Variants in EBF1 observed in about 807,000 individuals in gnomAD.
EBF1 encodes the protein EBF transcription factor 1.
EBF1 carries 10 observed loss-of-function variants against 68.4 expected under a neutral mutation model. That is an observed-to-expected ratio of 0.15 (90% confidence interval 0.09 to 0.25). The LOEUF (loss-of-function observed/expected upper bound fraction) is 0.25. Ranked by LOEUF, EBF1 falls within the 10% of genes least tolerant of loss-of-function variation. The probability of loss-of-function intolerance (pLI) is 1.00; values close to 1 mark genes in which losing one functional copy is unlikely to be tolerated. For synonymous variants in EBF1, 298 were observed against 299.8 expected, an observed-to-expected ratio of 0.99 and a Z score of 0.06; for missense variants, 509 against 794.4, an observed-to-expected ratio of 0.64 and a Z score of 4.32.
At chr5:158,839,957 G>A in intron 7 of EBF1, 72 bp downstream of exon 7, 1 of 1,472,524 alleles carries the variant, frequency 6.8e-7, no homozygotes, top group Non-Finnish European at 9.5e-7. Flanking sequence ...CGTATCTTCT[G>A]CCTAAGACTT....
At chr5:159,097,263 G>A in intron 1 of EBF1, 133 bp from the exon 2 acceptor site, 3 of 1,012,310 alleles carry the variant, frequency 3.0e-6, no homozygotes, top group Non-Finnish European at 1.4e-6. Context: ...CGCTCTTCAC[G>A]CCCCTTCAGG....
At chr5:158,709,630 G>A (rs1225670079) in intron 14 of EBF1, among the ~76,000 whole-genome samples, 1 of 152,164 alleles carries the variant, frequency 6.6e-6, no homozygotes, top group African/African-American at 2.4e-5. Context: ...TCAGTCCAAG[G>A]CACTACCCAA....
intron 6 of EBF1, among the ~76,000 whole-genome samples, chr5:158,952,794 T>A (rs893449664): frequency 1.3e-5 from 2 of 152,200 alleles, no homozygotes; most frequent in Non-Finnish European, 2.9e-5. Flanking sequence ...TTAATTCAAT[T>A]CAGATTAGAT....
chr5:158,782,171 C>T (rs1561911458), intron 9 of EBF1, among the ~76,000 whole-genome samples: 1 of 152,192 alleles, frequency 6.6e-6, no homozygotes, highest in Non-Finnish European at 1.5e-5. Flanking sequence ...GTTCCCTCTT[C>T]CAGTAAGTTT....
intron 6 of EBF1, among the ~76,000 whole-genome samples, chr5:158,946,573 G>A (rs544333400): frequency 3.9e-5 from 6 of 152,234 alleles, no homozygotes; most frequent in Admixed American, 2.0e-4. Flanking sequence ...ATCCCAGAGG[G>A]GCACCCACCA....
intron 9 of EBF1, among the ~76,000 whole-genome samples, chr5:158,789,628 C>T (rs1444970891): frequency 6.6e-6 from 1 of 152,168 alleles, no homozygotes; most frequent in Non-Finnish European, 1.5e-5. Flanking sequence ...AGATAATATG[C>T]TCCCAGGACA....
At chr5:158,940,276 A>G (rs1365914986) in intron 6 of EBF1, among the ~76,000 whole-genome samples, 2 of 152,176 alleles carry the variant, frequency 1.3e-5, no homozygotes, top group African/African-American at 2.4e-5. Context: ...CTCAGTCCAC[A>G]CACCTGCTGA....
chr5:158,752,548 C>T lies in EBF1; in HGVS notation c.1037-21391G>A, dbSNP rs1581589985. On this transcript the variant is annotated intron_variant, in intron 10 of 15. Coordinates refer to ENST00000313708, the MANE Select transcript of EBF1 (RefSeq NM_024007.5). ...ATGTTAAAGTAACTGAAATCAAGAA[C>T]AATACTGGAAATAAGAACAGTCTAC... is the stretch of plus-strand genomic sequence containing the variant. 2.0e-5 allele frequency among the ~76,000 whole-genome samples: 3 copies of T among 151,914 alleles called. No individual in the cohort carries two copies. In the South Asian group the frequency reaches 6.2e-4, roughly 32 times the overall value.
intron 6 of EBF1, among the ~76,000 whole-genome samples, chr5:158,847,033 C>T (rs1424747001): frequency 2.0e-5 from 3 of 152,154 alleles, no homozygotes; most frequent in African/African-American, 4.8e-5. Context: ...AGGGGGAGAG[C>T]ATGTGGCTGC....
chr5:159,027,396 T>TTC (rs1385083192), intron 6 of EBF1, among the ~76,000 whole-genome samples: 1 of 152,204 alleles, frequency 6.6e-6, no homozygotes, highest in African/African-American at 2.4e-5. Context: ...CAGACCACTG[T>TTC]TCATCCCCAG....
At chr5:158,742,066 C>A (rs1766531957) in intron 10 of EBF1, among the ~76,000 whole-genome samples, 1 of 152,196 alleles carries the variant, frequency 6.6e-6, no homozygotes, top group African/African-American at 2.4e-5. Context: ...GCCTCGAGAG[C>A]CCTACTCTGA....
intron 8 of EBF1, among the ~76,000 whole-genome samples, chr5:158,805,979 G>A (rs1781512257): frequency 3.3e-5 from 5 of 151,996 alleles, no homozygotes; most frequent in Admixed American, 3.3e-4. Context: ...GCTGGGGCAG[G>A]GGTATGGGTG....
intron 6 of EBF1, among the ~76,000 whole-genome samples, chr5:158,864,759 CAAG>C (rs1417686683): frequency 6.6e-6 from 1 of 152,106 alleles, no homozygotes; most frequent in Non-Finnish European, 1.5e-5. Context: ...ACTTGAAGGG[CAAG>C]AAGGAGCCCA....
chr5:158,840,003 AT>A (rs1431769070), intron 7 of EBF1, 25 bp downstream of exon 7: 1 of 1,601,724 alleles, frequency 6.2e-7, no homozygotes, highest in Admixed American at 1.7e-5. Flanking sequence ...CATTATTGAG[AT>A]TCAAGAAAGA....
chr5:158,984,303 A>T (rs996964253), intron 6 of EBF1, among the ~76,000 whole-genome samples: 4 of 152,154 alleles, frequency 2.6e-5, no homozygotes, highest in Admixed American at 6.5e-5. Flanking sequence ...TTCTAACTCT[A>T]TTCTCTAAGT....
intron 6 of EBF1, among the ~76,000 whole-genome samples, chr5:159,020,637 A>T (rs559585754): frequency 6.6e-6 from 1 of 152,242 alleles, no homozygotes; most frequent in African/African-American, 2.4e-5. Context: ...TATTATACTC[A>T]TGACTAGTAC....
At chr5:158,842,210 CTTG>C (rs1449291732) in intron 6 of EBF1, among the ~76,000 whole-genome samples, 4 of 152,210 alleles carry the variant, frequency 2.6e-5, no homozygotes, top group Non-Finnish European at 5.9e-5. Flanking sequence ...TTTGCACTGT[CTTG>C]TTGGTCTGAG....
chr5:158,702,574 G>A (rs1270513431), intron 15 of EBF1, among the ~76,000 whole-genome samples: 1 of 151,946 alleles, frequency 6.6e-6, no homozygotes, highest in Non-Finnish European at 1.5e-5. Flanking sequence ...GGTTTGGAGT[G>A]AGAGGGTGGA....
intron 6 of EBF1, among the ~76,000 whole-genome samples, chr5:159,023,334 A>C (rs1005458105): frequency 6.6e-6 from 1 of 152,218 alleles, no homozygotes; most frequent in Non-Finnish European, 1.5e-5. Context: ...AATTGTGCCC[A>C]TTGTACAGAT....
Sources: allele counts gnomAD v4.1 joint callset (sites outside exome capture counted in the v4.1 genomes callset), GRCh38; gene constraint gnomAD v4.1.1; transcripts MANE v1.5; gene names NCBI Gene and HGNC (gene_info 2026-07-23, HGNC 2026-07-21).